The following FCHO2 variants were observed in gnomAD, a reference collection of about 807,000 sequenced individuals.
FCHO2 encodes the protein FCH and mu domain containing endocytic adaptor 2, also known as F-BAR domain only protein 2.
Under a neutral mutation model 114.1 loss-of-function variants are expected in FCHO2, and 43 were observed. The ratio of observed to expected loss-of-function variants is 0.38; its 90% CI spans 0.30 to 0.49. The LOEUF (loss-of-function observed/expected upper bound fraction) is 0.49. Among genes scored for constraint, FCHO2 ranks in the 20% least tolerant of loss-of-function variants. The probability of loss-of-function intolerance (pLI) is 0.97; values close to 1 mark genes in which losing one functional copy is unlikely to be tolerated. For synonymous variants in FCHO2, 293 were observed against 315.2 expected (o/e 0.93, Z 0.75); for missense variants, 807 against 950.4 (o/e 0.85, Z 1.98).
intron 1 of FCHO2, among the ~76,000 whole-genome samples, chr5:72,963,328 A>G (rs1020767403): frequency 2.6e-5 from 4 of 152,184 alleles, no homozygotes; most frequent in African/African-American, 9.7e-5. Flanking sequence ...TTTTAATTAA[A>G]ACCATTATTA....
At chr5:73,062,305 G>T (rs1757890534) in intron 17 of FCHO2, among the ~76,000 whole-genome samples, 1 of 152,020 alleles carries the variant, frequency 6.6e-6, no homozygotes, top group African/African-American at 2.4e-5. Flanking sequence ...TTCTCGAAAA[G>T]CAAATTTTGA....
chr5:73,010,615 G>A (rs373888538), intron 6 of FCHO2, among the ~76,000 whole-genome samples: 6 of 151,954 alleles, frequency 3.9e-5, no homozygotes, highest in Non-Finnish European at 8.8e-5. Context: ...GGTGGCTCAC[G>A]CCTGTAATCC....
intron 2 of FCHO2, among the ~76,000 whole-genome samples, chr5:72,989,033 G>A (rs1371193357): frequency 6.6e-6 from 1 of 151,998 alleles, no homozygotes; most frequent in Non-Finnish European, 1.5e-5. Flanking sequence ...ACATAGCAAG[G>A]CCCCATCTCT....
chr5:73,056,331 T>C (rs1003453822), intron 16 of FCHO2, among the ~76,000 whole-genome samples: 3 of 152,188 alleles, frequency 2.0e-5, no homozygotes, highest in Non-Finnish European at 4.4e-5. Flanking sequence ...GTCCACAGTT[T>C]ACATTAGGGT....
At chr5:73,007,791 G>A (rs1754800483) in intron 6 of FCHO2, among the ~76,000 whole-genome samples, 1 of 152,140 alleles carries the variant, frequency 6.6e-6, no homozygotes, top group African/African-American at 2.4e-5. Context: ...TAAATATAAA[G>A]TTATAAATTA....
At chr5:72,980,445 G>A (rs1322482439) in intron 2 of FCHO2, among the ~76,000 whole-genome samples, 1 of 152,162 alleles carries the variant, frequency 6.6e-6, no homozygotes, top group Admixed American at 6.5e-5. Context: ...GGAGGGTTCT[G>A]TAGATGTCTA....
chr5:72,960,027 G>C (rs1751768719), intron 1 of FCHO2, among the ~76,000 whole-genome samples: 1 of 152,140 alleles, frequency 6.6e-6, no homozygotes. Flanking sequence ...CCATGTTTCC[G>C]CCTCAGCTTC....
chr5:73,088,117 AG>A lies in FCHO2; in HGVS notation c.*30del. 1 of 1,612,180 alleles carries A rather than the reference AG, an allele frequency of 6.2e-7. No homozygotes were observed. Among genetic ancestry groups the A allele is most frequent in the South Asian group, 1.1e-5 (1 of 90,602 alleles). ...GGACCTGGGAAAGTGATGTGGCTTC[AG>A]GGATTACAAACCTGCCATTCTGCAT... On this transcript the variant is annotated 3_prime_UTR_variant, in exon 26 of 26. Coordinates refer to ENST00000430046, the MANE Select transcript of FCHO2 (RefSeq NM_138782.3).
chr5:73,049,699 A>C (rs891782404), intron 11 of FCHO2, among the ~76,000 whole-genome samples: 8 of 152,230 alleles, frequency 5.3e-5, no homozygotes, highest in Non-Finnish European at 7.3e-5. Context: ...ATGTGACCAG[A>C]AAACCCCTTC....
In FCHO2 at chr5:73,037,203, A is replaced by T. The variant is rs377584362; in HGVS notation, c.902A>T (p.Asp301Val). The change falls in exon 10 of 26, where the codon GAT (aspartate) becomes GTT (valine). Residue 301 changes from aspartate (D) to valine (V), a missense_variant. Transcript: ENST00000430046. ...CCAGGAATCATTAAAAAGGAAAAAG[A>T]TGCAGAATCTGTGTAAGTATTTTAA... Reference protein sequence around the residue: ...ALPGIIKKEKDAESVECPDAD... With the variant: ...ALPGIIKKEKVAESVECPDAD... 8 of 1,599,820 alleles carry T rather than the reference A, an allele frequency of 5.0e-6. No homozygotes were observed. Among genetic ancestry groups the T allele is most frequent in the African/African-American group, 4.0e-5 (3 of 74,296 alleles).
At chr5:73,001,888 A>G (rs1754463464) in intron 5 of FCHO2, among the ~76,000 whole-genome samples, 1 of 151,848 alleles carries the variant, frequency 6.6e-6, no homozygotes, top group South Asian at 2.1e-4. Flanking sequence ...CCTGGGTGAC[A>G]GAGTGATACC....
intron 21 of FCHO2, among the ~76,000 whole-genome samples, chr5:73,077,702 T>G (rs1461625126): frequency 6.6e-6 from 1 of 151,652 alleles, no homozygotes; most frequent in African/African-American, 2.4e-5. Context: ...GAACAAAAAT[T>G]AGCTGGGCAT....
intron 12 of FCHO2, 72 bp downstream of exon 12, chr5:73,051,478 TATTAAAGCCTCTTCCA>T: frequency 1.1e-6 from 1 of 888,868 alleles, no homozygotes; most frequent in East Asian, 2.9e-5. Context: ...GAAAATCATG[TATTAAAGCCTCTTCCA>T]ATTTTTTATT....
chr5:73,028,809 C>T (rs779807181), intron 8 of FCHO2, among the ~76,000 whole-genome samples: 1 of 151,954 alleles, frequency 6.6e-6, no homozygotes, highest in Non-Finnish European at 1.5e-5. Context: ...CACCACTATG[C>T]CCAGTTAGTT....
At chr5:72,977,094 A>G (rs1412700440) in intron 2 of FCHO2, among the ~76,000 whole-genome samples, 1 of 152,162 alleles carries the variant, frequency 6.6e-6, no homozygotes, top group African/African-American at 2.4e-5. Context: ...ATATGTGTGC[A>G]TGTGTCTTTA....
intron 8 of FCHO2, chr5:73,021,065 C>G (rs1755599457): frequency 1.1e-6 from 1 of 911,346 alleles, no homozygotes; most frequent in Non-Finnish European, 1.9e-6. Flanking sequence ...TGGTCCTCTC[C>G]CTCTGGAAAG....
intron 2 of FCHO2, among the ~76,000 whole-genome samples, chr5:72,968,823 T>C (rs1408035679): frequency 6.6e-6 from 1 of 152,154 alleles, no homozygotes; most frequent in Non-Finnish European, 1.5e-5. Flanking sequence ...TTCTTGAAAA[T>C]ATTATCTACA....
intron 5 of FCHO2, among the ~76,000 whole-genome samples, chr5:73,001,789 A>T (rs1334739153): frequency 6.6e-6 from 1 of 151,996 alleles, no homozygotes; most frequent in African/African-American, 2.4e-5. Context: ...AAGAAAAAAA[A>T]TTAGCCAGGC....
chr5:73,056,164 T>C, intron 16 of FCHO2, 57 bp downstream of exon 16: 1 of 1,340,036 alleles, frequency 7.5e-7, no homozygotes, highest in Non-Finnish European at 1.0e-6. Context: ...AGAGCAGTGT[T>C]TGATTTATGG....
Sources: allele counts gnomAD v4.1 joint callset (sites outside exome capture counted in the v4.1 genomes callset), GRCh38; gene constraint gnomAD v4.1.1; transcripts MANE v1.5; gene names NCBI Gene and HGNC (gene_info 2026-07-23, HGNC 2026-07-21).